The following TTN variants were observed in gnomAD, a reference collection of about 807,000 sequenced individuals.
TTN encodes the protein connectin.
A neutral mutation model predicts 3,223.0 loss-of-function variants in TTN; 1,525 were observed. The ratio of observed to expected loss-of-function variants is 0.47; its 90% confidence interval spans 0.45 to 0.49. The LOEUF (loss-of-function observed/expected upper bound fraction) is 0.49, where lower values mean the gene tolerates loss of function less well. Among genes scored for constraint, TTN ranks in the 20% least tolerant of loss-of-function variants. The probability of loss-of-function intolerance (pLI) is 0.00; values close to 1 mark genes in which losing one functional copy is unlikely to be tolerated. For synonymous variants in TTN, 14,094 were observed against 15,161.0 expected (o/e 0.93, Z 5.17); for missense variants, 40,786 against 43,424.0 (o/e 0.94, Z 5.40).
intron 282 of TTN, among the ~76,000 whole-genome samples, chr2:178,603,330 A>C (rs2053952075): frequency 1.3e-5 from 2 of 152,010 alleles, no homozygotes; most frequent in Non-Finnish European, 2.9e-5. Context: ...AGCAAATAGG[A>C]TGAATTATTA....
chr2:178,551,199 G>T lies in TTN; in HGVS notation c.91332C>A (p.Asn30444Lys). Residue 30444 changes from asparagine to lysine, a missense_variant, in exon 336 of 363, where the codon AAC (asparagine) becomes AAA (lysine). Asn to Lys is a moderately conservative substitution (Grantham distance 94). Transcript: ENST00000589042. ...TACTGCCTCCATCACGCAATGGTGGGTTCCATTTAAGTGTGATGGTTTCCC... is the reference window on the plus strand; with the variant it reads ...TACTGCCTCCATCACGCAATGGTGGTTTCCATTTAAGTGTGATGGTTTCCC... ...VTRETITLKW[N>K]PPLRDGGSKI... The T allele has an allele frequency of 6.2e-7, 1 of 1,613,484 alleles. No homozygotes were observed. Among genetic ancestry groups the T allele is most frequent in the Non-Finnish European group, 8.5e-7 (1 of 1,179,646 alleles).
In TTN at chr2:178,715,561, C is replaced by T. The variant is rs369947439; in HGVS notation, c.25853G>A (p.Gly8618Glu). 79 of 1,613,406 alleles carry T rather than the reference C, an allele frequency of 4.9e-5. No homozygotes were observed. Among genetic ancestry groups the T allele is most frequent in the Admixed American group, 3.0e-4 (18 of 59,944 alleles). The change falls in exon 89 of 363, where the codon GGA (glycine) becomes GAA (glutamate). Residue 8618 changes from glycine to glutamate, a missense_variant. Physicochemically the swap from Gly to Glu is moderately conservative, Grantham distance 98. Transcript: ENST00000589042. Reference sequence around the variant, plus strand: ...ATTGTGGGCCTCACAGGTGTAGTCTCCACTGTCTTCAACACTGAGATTGTG... The same window carrying T: ...ATTGTGGGCCTCACAGGTGTAGTCTTCACTGTCTTCAACACTGAGATTGTG... ...EMHNLSVEDSGDYTCEAHNAA... is the reference protein window; with the variant it reads ...EMHNLSVEDSEDYTCEAHNAA...
chr2:178,748,728 CT>C, intron 47 of TTN: 12 of 1,612,630 alleles, frequency 7.4e-6, no homozygotes, highest in Non-Finnish European at 1.0e-5. Flanking sequence ...GCAGGTTTAT[CT>C]ATAAGACTTA....
Position 178,534,285 on chromosome 2 carries a change from C to G in TTN, c.102330G>C (p.Arg34110=), listed in dbSNP as rs1429348347. Residue 34110 remains arginine (R), a synonymous_variant, in exon 358 of 363, where the codon CGG becomes CGC. Transcript: ENST00000589042. The part of the protein sequence containing the change: ...KDLNMVVSAA[R]ISCGGAIRSQ... ...ATCGAATTGCACCACCACAGGAGATCCGGGCTGCTGACACAACCATGTTGA... is the reference window on the plus strand; with the variant it reads ...ATCGAATTGCACCACCACAGGAGATGCGGGCTGCTGACACAACCATGTTGA... The G allele has an allele frequency of 1.2e-6, 2 of 1,613,888 alleles. No individual in the cohort carries two copies. Among genetic ancestry groups the G allele is most frequent in the South Asian group, 2.2e-5 (2 of 91,084 alleles).
intron 13 of TTN, among the ~76,000 whole-genome samples, chr2:178,788,119 A>G (rs918000687): frequency 1.3e-5 from 2 of 152,074 alleles, no homozygotes; most frequent in African/African-American, 4.8e-5. Flanking sequence ...ACGGATGAAA[A>G]GTTATGAGAG....
chr2:178,616,887 T>G lies in TTN; in HGVS notation c.48002A>C (p.Lys16001Thr). Residue 16001 changes from lysine to threonine, a missense_variant, in exon 256 of 363, where the codon AAA (lysine) becomes ACA (threonine). Physicochemically the swap from Lys to Thr is moderately conservative, Grantham distance 78. Coordinates refer to ENST00000589042, the MANE Select transcript of TTN (RefSeq NM_001267550.2). ...CACCCGGTCCCCTGTTTCTAGTACT[T>G]TATCTCCAAAACACCAGGTTGCAGT... is the stretch of plus-strand genomic sequence containing the variant. ...RPTATWCFGDKVLETGDRVKM... is the reference protein window; with the variant it reads ...RPTATWCFGDTVLETGDRVKM... The G allele has an allele frequency of 6.2e-7, 1 of 1,612,666 alleles. No individual in the cohort carries two copies. Among genetic ancestry groups the G allele is most frequent in the Non-Finnish European group, 8.5e-7 (1 of 1,179,186 alleles).
Position 178,608,339 on chromosome 2 carries a change from T to G in TTN, c.52544A>C (p.His17515Pro). ...WLEKREVNST[H>P]WSRVNKSLLN... is the part of the protein sequence containing the mutation. ...AAGGCTTTTGTTGACACGAGACCAA[T>G]GTGTACTGTTAACTTCACGTTTTTC... The change falls in exon 275 of 363, where the codon CAT becomes CCT. Residue 17515 changes from histidine (H) to proline (P), a missense_variant. By Grantham distance (77) the His-to-Pro change is moderately conservative. Transcript: ENST00000589042. 6.2e-7 allele frequency: 1 copy of G among 1,612,426 alleles called. No individual in the cohort carries two copies. The highest frequency in any genetic ancestry group is 8.5e-7 in the Non-Finnish European group (1 of 1,179,168).
Position 178,705,314 on chromosome 2 carries a change from C to A in TTN, c.29464G>T (p.Asp9822Tyr), listed in dbSNP as rs758873870. The A allele has an allele frequency of 1.4e-5, 23 of 1,609,618 alleles. No individual in the cohort carries two copies. The South Asian group carries it at 2.6e-4, about 18-fold the overall frequency. ...ACATTTTTGAGAAGTTCCATGATATCAATTTCCTCTTCTTCTCCAGCTCCT... is the reference window on the plus strand; with the variant it reads ...ACATTTTTGAGAAGTTCCATGATATAAATTTCCTCTTCTTCTCCAGCTCCT... ...KKGAGEEEEIDIMELLKNVDP... is the reference protein window; with the variant it reads ...KKGAGEEEEIYIMELLKNVDP... Residue 9822 changes from aspartate to tyrosine, a missense_variant, in exon 103 of 363, where the codon GAT becomes TAT. By Grantham distance (160) the Asp-to-Tyr change is radical. Transcript: ENST00000589042.
Position 178,741,651 on chromosome 2 carries a change from G to A in TTN, c.11582C>T (p.Thr3861Ile), listed in dbSNP as rs1214393200. Residue 3861 changes from threonine (T) to isoleucine (I), a missense_variant, in exon 48 of 363, where the codon ACC (threonine) becomes ATC (isoleucine). By Grantham distance (89) the Thr-to-Ile change is moderately conservative. Coordinates refer to ENST00000589042, the MANE Select transcript of TTN (RefSeq NM_001267550.2). ...AACAAATTTGTAGTCAGCAGAAGGGGTTAATAGCACTCCATTAAAGAACCA... is the reference window on the plus strand; with the variant it reads ...AACAAATTTGTAGTCAGCAGAAGGGATTAATAGCACTCCATTAAAGAACCA... The part of the protein sequence containing the change: ...IQWFFNGVLL[T>I]PSADYKFVFD... 1 of 1,613,742 alleles carries A rather than the reference G, an allele frequency of 6.2e-7. No individual in the cohort carries two copies. The highest frequency in any genetic ancestry group is 8.5e-7 in the Non-Finnish European group (1 of 1,179,794).
Position 178,568,582 on chromosome 2 carries a change from C to T in TTN, c.77550G>A (p.Leu25850=). ...QTTRINVTDS[L]DLTTLSIKET... ...CTTTAATACTGAGTGTGGTGAGATC[C>T]AGTGAATCGGTAACATTGATTCTTG... Residue 25850 remains leucine (L), a synonymous_variant, in exon 326 of 363, where the codon CTG becomes CTA. Coordinates refer to ENST00000589042, the MANE Select transcript of TTN (RefSeq NM_001267550.2). The T allele has an allele frequency of 6.2e-7, 1 of 1,613,366 alleles. No homozygotes were observed. The highest frequency in any genetic ancestry group is 8.5e-7 in the Non-Finnish European group (1 of 1,179,550).
Position 178,614,735 on chromosome 2 carries a change from A to C in TTN, c.48779T>G (p.Leu16260Arg). The C allele has an allele frequency of 6.2e-7, 1 of 1,608,406 alleles. No individual in the cohort carries two copies. Among genetic ancestry groups the C allele is most frequent in the Non-Finnish European group, 8.5e-7 (1 of 1,177,252 alleles). Residue 16260 changes from leucine to arginine, a missense_variant, in exon 261 of 363, where the codon CTC (leucine) becomes CGC (arginine). By Grantham distance (102) the Leu-to-Arg change is moderately radical. Coordinates refer to ENST00000589042, the MANE Select transcript of TTN (RefSeq NM_001267550.2). ...VDTQEAPEIFLDVKLLAGLTV... is the reference protein window; with the variant it reads ...VDTQEAPEIFRDVKLLAGLTV... ...GAGACCAGCAAGGAGCTTCACATCG[A>C]GGAAGATTTCTGGGGCCTCTGAATT...
In TTN at chr2:178,553,096, G is replaced by T. The variant is rs1247896491; in HGVS notation, c.89804C>A (p.Ala29935Asp). 6.2e-7 allele frequency: 1 copy of T among 1,611,334 alleles called. No individual in the cohort carries two copies. The highest frequency in any genetic ancestry group is 8.5e-7 in the Non-Finnish European group (1 of 1,177,978). The change falls in exon 335 of 363, where the codon GCT (alanine) becomes GAT (aspartate). Residue 29935 changes from alanine (A) to aspartate (D), a missense_variant. Ala to Asp is a moderately radical substitution (Grantham distance 126, BLOSUM62 -2). Coordinates refer to ENST00000589042, the MANE Select transcript of TTN (RefSeq NM_001267550.2). ...TTTAACCTGTAGTTTCTGGCAGGCAGCTGGTGTGTCAAGCACTTTAACACT... is the reference window on the plus strand; with the variant it reads ...TTTAACCTGTAGTTTCTGGCAGGCATCTGGTGTGTCAAGCACTTTAACACT... ...TVSVKVLDTPAACQKLQVKHV... is the reference protein window; with the variant it reads ...TVSVKVLDTPDACQKLQVKHV...
At chr2:178,787,302 A>G (rs1228650728) in intron 13 of TTN, among the ~76,000 whole-genome samples, 1 of 152,144 alleles carries the variant, frequency 6.6e-6, no homozygotes, top group Non-Finnish European at 1.5e-5. Context: ...AGGAAGACAC[A>G]AACAATTTCA....
chr2:178,745,943 G>T, intron 47 of TTN: 1 of 1,609,514 alleles, frequency 6.2e-7, no homozygotes, highest in Non-Finnish European at 8.5e-7. Context: ...ACTGCTTAAA[G>T]TCACTTTGCT....
chr2:178,713,379 GAT>G lies in TTN; in HGVS notation c.26762-9_26762-8del. 1 of 1,377,066 alleles carries G rather than the reference GAT, an allele frequency of 7.3e-7. No homozygotes were observed. Among genetic ancestry groups the G allele is most frequent in the South Asian group, 1.7e-5 (1 of 58,490 alleles). The allele number at this position is 1,377,066 out of a possible 1,614,324, so 85.3% of individuals were successfully genotyped here. A position where few individuals can be genotyped will look rare whatever the true frequency, so the allele number is the denominator to read the frequency against. ...GAAGGAGGAACGGTTCGGTCTGAATGATACAAAACAAAACAAAACAAAACAAA... is the reference window on the plus strand; with the variant it reads ...GAAGGAGGAACGGTTCGGTCTGAATGACAAAACAAAACAAAACAAAACAAA... On this transcript the variant is annotated splice_polypyrimidine_tract_variant and splice_region_variant and intron_variant, in intron 92 of 362. Transcript: ENST00000589042.
intron 113 of TTN, 112 bp from the exon 114 acceptor site, chr2:178,696,381 T>A: frequency 1.0e-6 from 1 of 994,118 alleles, no homozygotes; most frequent in Non-Finnish European, 1.4e-6. Context: ...ATTTTATTGA[T>A]AATTTGTTTT....
chr2:178,684,059 C>T lies in TTN; in HGVS notation c.32746G>A (p.Val10916Ile), dbSNP rs562792271. The T allele has an allele frequency of 4.3e-6, 7 of 1,611,608 alleles. No individual in the cohort carries two copies. The South Asian group carries it at 7.7e-5, about 18-fold the overall frequency. ...AGTTTCAGAACTTTTTCTTCTGGGA[C>T]AGCTCTCTTCGGTTCCTCTGGCACT... is the stretch of plus-strand genomic sequence containing the variant. ...ARVPEEPKRA[V>I]PEEKVLKLKP... The change falls in exon 133 of 363, where the codon GTC becomes ATC. Residue 10916 changes from valine (V) to isoleucine (I), a missense_variant. Val to Ile is a conservative substitution (Grantham distance 29, BLOSUM62 3). Coordinates refer to ENST00000589042, the MANE Select transcript of TTN (RefSeq NM_001267550.2).
rs766094077 is a variant in TTN at position 178,569,657 on chromosome 2, T to A, written c.76475A>T (p.His25492Leu). 1 of 1,612,558 alleles carries A rather than the reference T, an allele frequency of 6.2e-7. No individual in the cohort carries two copies. Among genetic ancestry groups the A allele is most frequent in the Non-Finnish European group, 8.5e-7 (1 of 1,179,254 alleles). ...TATAATAGGTCCAGGGACGTCAGCA[T>A]GTTCTCCAACTCCAGCTTTATTAAT... ...CAINKAGVGE[H>L]ADVPGPIIVE... The change falls in exon 326 of 363, where the codon CAT becomes CTT. Residue 25492 changes from histidine (H) to leucine (L), a missense_variant. Transcript: ENST00000589042.
chr2:178,732,051 A>C lies in TTN; in HGVS notation c.16903+15T>G. On this transcript the variant is annotated intron_variant, in intron 57 of 362. Transcript: ENST00000589042. ...CCATAACTTTGGCAACACAAGAGGC[A>C]AAGTGAACACAAACCTTTGACTATT... The C allele has an allele frequency of 6.3e-7, 1 of 1,593,270 alleles. No homozygotes were observed. Among genetic ancestry groups the C allele is most frequent in the Non-Finnish European group, 8.6e-7 (1 of 1,167,164 alleles).
Sources: allele counts gnomAD v4.1 joint callset (sites outside exome capture counted in the v4.1 genomes callset), GRCh38; gene constraint gnomAD v4.1.1; transcripts MANE v1.5; gene names NCBI Gene and HGNC (gene_info 2026-07-23, HGNC 2026-07-21).